Variants in PCDH9 observed in about 807,000 individuals in gnomAD.
The protein encoded by PCDH9 is protocadherin 9, also known as protocadherin-9.
In PCDH9, 24 loss-of-function variants were observed where a neutral mutation model predicts 70.6. The ratio of observed to expected loss-of-function variants is 0.34; its 90% CI spans 0.25 to 0.48. The LOEUF (loss-of-function observed/expected upper bound fraction) is 0.48, where lower values mean the gene tolerates loss of function less well. Among genes scored for constraint, PCDH9 ranks in the 20% least tolerant of loss-of-function variants. The pLI is 0.99. For missense variants in PCDH9, 1,281 were observed against 1,503.6 expected, an observed-to-expected ratio of 0.85 and a Z score of 2.45; for synonymous variants, 562 against 558.5, an observed-to-expected ratio of 1.01 and a Z score of -0.09.
chr13:66,651,621 C>CA (rs1184308428), intron 3 of PCDH9, among the ~76,000 whole-genome samples: 6 of 151,900 alleles, frequency 3.9e-5, no homozygotes, highest in Non-Finnish European at 8.8e-5. Flanking sequence ...AAAACTATTC[C>CA]AAAAAATAGA....
intron 2 of PCDH9, chr13:67,204,663 CATAA>C (rs1270129885): frequency 1.3e-5 from 2 of 152,174 alleles, no homozygotes; most frequent in Admixed American, 6.6e-5. Flanking sequence ...AACCAATAGG[CATAA>C]TGTCACTACA....
chr13:66,431,676 T>C (rs1957772397), intron 4 of PCDH9, among the ~76,000 whole-genome samples: 1 of 152,000 alleles, frequency 6.6e-6, no homozygotes, highest in Non-Finnish European at 1.5e-5. Context: ...AAAGTAGGCA[T>C]AAAGATCTTT....
intron 4 of PCDH9, among the ~76,000 whole-genome samples, chr13:66,454,825 G>A (rs1958285632): frequency 6.6e-6 from 1 of 151,910 alleles, no homozygotes; most frequent in Admixed American, 6.6e-5. Flanking sequence ...ACTAAATTTC[G>A]AACTTCTGAC....
chr13:66,551,022 A>G (rs528446134), intron 4 of PCDH9, among the ~76,000 whole-genome samples: 27 of 152,304 alleles, frequency 1.8e-4, no homozygotes, highest in African/African-American at 6.3e-4. Context: ...TGGCTAATCT[A>G]CTTTCACAAG....
At chr13:66,821,349 T>C (rs931652038) in intron 3 of PCDH9, among the ~76,000 whole-genome samples, 5 of 152,182 alleles carry the variant, frequency 3.3e-5, no homozygotes, top group Admixed American at 1.3e-4. Context: ...AATTGAATCA[T>C]GGAAATATAG....
chr13:66,537,147 G>A (rs1395129510), intron 4 of PCDH9, among the ~76,000 whole-genome samples: 1 of 152,026 alleles, frequency 6.6e-6, no homozygotes. Context: ...GCATGCTCAG[G>A]TATTTCTAAT....
At chr13:66,613,046 C>T (rs2077311908) in intron 4 of PCDH9, among the ~76,000 whole-genome samples, 1 of 152,144 alleles carries the variant, frequency 6.6e-6, no homozygotes, top group South Asian at 2.1e-4. Flanking sequence ...TTTTCATCCT[C>T]AGACTTCTGA....
chr13:66,716,544 A>T (rs1013602692), intron 3 of PCDH9, among the ~76,000 whole-genome samples: 1 of 152,274 alleles, frequency 6.6e-6, no homozygotes, highest in Non-Finnish European at 1.5e-5. Context: ...GTCAGATCCC[A>T]GTAAGATTCT....
intron 3 of PCDH9, among the ~76,000 whole-genome samples, chr13:66,893,780 C>G (rs1372195550): frequency 1.3e-5 from 2 of 152,074 alleles, no homozygotes; most frequent in African/African-American, 4.8e-5. Context: ...TTATTCTCTT[C>G]TAATTTTTCA....
chr13:67,223,760 C>T lies in PCDH9; in HGVS notation c.3036+1645G>A, dbSNP rs188689171. The T allele has an allele frequency of 1.4e-4, 21 of 152,114 alleles. No homozygotes were observed. The East Asian group carries it at 2.9e-3, about 21-fold the overall frequency. 9.4% of individuals were successfully genotyped at this position (152,114 alleles called of 1,614,324 possible). ...GACTTATATGTAATAATCTCATAGT[C>T]TCCTTTAAAATTCTATACTGATTAA... On this transcript the variant is annotated intron_variant, in intron 2 of 4. Coordinates refer to ENST00000377865, the MANE Select transcript of PCDH9 (RefSeq NM_203487.3).
intron 3 of PCDH9, among the ~76,000 whole-genome samples, chr13:66,731,600 C>T (rs973490219): frequency 1.3e-5 from 2 of 152,076 alleles, no homozygotes; most frequent in African/African-American, 2.4e-5. Flanking sequence ...ACTGAACATT[C>T]AATATTAGCT....
chr13:67,223,576 A>G (rs1037403102), intron 2 of PCDH9: 2 of 152,180 alleles, frequency 1.3e-5, no homozygotes, highest in African/African-American at 4.8e-5. Flanking sequence ...CAACTTTTTA[A>G]TCAAACTCAT....
At chr13:66,466,644 C>A (rs1016892829) in intron 4 of PCDH9, among the ~76,000 whole-genome samples, 3 of 152,090 alleles carry the variant, frequency 2.0e-5, no homozygotes, top group Non-Finnish European at 4.4e-5. Context: ...ACTTCCATCA[C>A]GTTAATTTAT....
chr13:66,891,577 T>G lies in PCDH9; in HGVS notation c.3138+11927A>C, dbSNP rs147417641. On this transcript the variant is annotated intron_variant, in intron 3 of 4. Coordinates refer to ENST00000377865, the MANE Select transcript of PCDH9 (RefSeq NM_203487.3). ...CCTATTGAGTCAAAACTGACATAAT[T>G]TAGCCAGAAAGAGCATTTAAAAGTA... Among the ~76,000 whole-genome samples, 1,225 of 152,228 alleles carry G rather than the reference T, an allele frequency of 8.0e-3. 16 individuals carry two copies. Among genetic ancestry groups the G allele is most frequent in the African/African-American group, 0.027 (1,142 of 41,554 alleles).
intron 2 of PCDH9, among the ~76,000 whole-genome samples, chr13:66,909,302 G>T (rs1435567539): frequency 6.6e-6 from 1 of 151,966 alleles, no homozygotes; most frequent in Admixed American, 6.6e-5. Flanking sequence ...ATCATAGATT[G>T]CACAAATGGA....
chr13:66,473,754 T>C (rs1327915366), intron 4 of PCDH9, among the ~76,000 whole-genome samples: 2 of 152,186 alleles, frequency 1.3e-5, no homozygotes, highest in African/African-American at 2.4e-5. Flanking sequence ...TATTGAAATA[T>C]AGATCTCAAC....
At chr13:66,952,196 C>G (rs1378645810) in intron 2 of PCDH9, among the ~76,000 whole-genome samples, 2 of 152,230 alleles carry the variant, frequency 1.3e-5, no homozygotes, top group Middle Eastern at 3.4e-3. Flanking sequence ...ATACGCTTCT[C>G]CAGCAAAAGC....
At chr13:66,674,399 A>G (rs1043604307) in intron 3 of PCDH9, among the ~76,000 whole-genome samples, 4 of 150,704 alleles carry the variant, frequency 2.7e-5, no homozygotes, top group African/African-American at 7.3e-5. Context: ...CATAGAAATA[A>G]CTTCCACTTT....
chr13:66,803,216 G>A (rs1249035475), intron 3 of PCDH9, among the ~76,000 whole-genome samples: 1 of 152,106 alleles, frequency 6.6e-6, no homozygotes, highest in Non-Finnish European at 1.5e-5. Context: ...CATAAAACAA[G>A]TATTCTTTTT....
Sources: allele counts gnomAD v4.1 joint callset (sites outside exome capture counted in the v4.1 genomes callset), GRCh38; gene constraint gnomAD v4.1.1; transcripts MANE v1.5; gene names NCBI Gene and HGNC (gene_info 2026-07-23, HGNC 2026-07-21).